Variants in AGBL4 observed in about 807,000 individuals in gnomAD.
AGBL4 encodes the protein cytosolic carboxypeptidase 6.
A neutral mutation model predicts 66.4 loss-of-function variants in AGBL4; 58 were observed. That is an observed-to-expected ratio of 0.87 (90% CI 0.71 to 1.09). The LOEUF (loss-of-function observed/expected upper bound fraction) is 1.09, where lower values mean the gene tolerates loss of function less well. Among genes scored for constraint, AGBL4 ranks in the 50% least tolerant of loss-of-function variants. The pLI is 0.00. For synonymous variants in AGBL4, 234 were observed against 222.9 expected (o/e 1.05, Z -0.44); for missense variants, 579 against 631.0 (o/e 0.92, Z 0.88).
chr1:48,657,542 G>C (rs976312008), intron 7 of AGBL4, among the ~76,000 whole-genome samples: 17 of 152,242 alleles, frequency 1.1e-4, no homozygotes, highest in Admixed American at 3.3e-4. Context: ...GCATAGCAGA[G>C]AGAGCTGGCA....
At chr1:48,974,246 A>G (rs1659142681) in intron 5 of AGBL4, among the ~76,000 whole-genome samples, 1 of 152,140 alleles carries the variant, frequency 6.6e-6, no homozygotes, top group South Asian at 2.1e-4. Flanking sequence ...AGCTTGAGCC[A>G]AGTATGCCTG....
At chr1:49,971,425 G>C (rs964538589) in intron 1 of AGBL4, among the ~76,000 whole-genome samples, 2 of 152,162 alleles carry the variant, frequency 1.3e-5, no homozygotes, top group Non-Finnish European at 2.9e-5. Context: ...CAAGAATAGT[G>C]ATGCTGGTAA....
chr1:49,964,522 T>C (rs1380696861), intron 1 of AGBL4, among the ~76,000 whole-genome samples: 1 of 152,166 alleles, frequency 6.6e-6, no homozygotes. Flanking sequence ...GTGGCTAATA[T>C]TATAATCATT....
chr1:49,972,160 A>G (rs1290180605), intron 1 of AGBL4, among the ~76,000 whole-genome samples: 3 of 151,334 alleles, frequency 2.0e-5, no homozygotes, highest in Non-Finnish European at 2.9e-5. Flanking sequence ...CTCATGATCC[A>G]GGCCTCCCAA....
At chr1:48,762,915 C>G (rs189243536) in intron 6 of AGBL4, among the ~76,000 whole-genome samples, 1 of 152,154 alleles carries the variant, frequency 6.6e-6, no homozygotes, top group East Asian at 1.9e-4. Flanking sequence ...GGGCCTTAAT[C>G]TCTCTGAACT....
intron 3 of AGBL4, among the ~76,000 whole-genome samples, chr1:49,328,630 C>A (rs2148487200): frequency 6.6e-6 from 1 of 152,300 alleles, no homozygotes; most frequent in African/African-American, 2.4e-5. Context: ...TTAACAATTT[C>A]TACCTGGTCA....
intron 2 of AGBL4, among the ~76,000 whole-genome samples, chr1:49,782,533 A>T (rs961803887): frequency 1.3e-5 from 2 of 152,222 alleles, no homozygotes; most frequent in Non-Finnish European, 2.9e-5. Flanking sequence ...AGGAGGTAGC[A>T]TCTTTAAGAA....
At chr1:50,021,655 C>T (rs1220480059) in intron 1 of AGBL4, among the ~76,000 whole-genome samples, 2 of 152,176 alleles carry the variant, frequency 1.3e-5, no homozygotes, top group Admixed American at 1.3e-4. Context: ...TCCTTCTCTT[C>T]ATCTCCACTG....
intron 6 of AGBL4, among the ~76,000 whole-genome samples, chr1:48,838,103 A>G (rs961460079): frequency 6.6e-5 from 10 of 151,970 alleles, no homozygotes; most frequent in African/African-American, 2.4e-4. Flanking sequence ...ATGAAAAGCA[A>G]TGAATAACTA....
chr1:49,669,920 C>T (rs1235476957), intron 3 of AGBL4, among the ~76,000 whole-genome samples: 2 of 151,744 alleles, frequency 1.3e-5, no homozygotes, highest in South Asian at 2.1e-4. Flanking sequence ...ATGAAGAGCA[C>T]AAGATAAAGA....
intron 3 of AGBL4, among the ~76,000 whole-genome samples, chr1:49,265,647 A>G (rs1007617746): frequency 6.6e-6 from 1 of 152,186 alleles, no homozygotes; most frequent in African/African-American, 2.4e-5. Flanking sequence ...CATCTGGTAG[A>G]GTTCTTAGAA....
chr1:48,777,245 T>C (rs1326076708), intron 6 of AGBL4, among the ~76,000 whole-genome samples: 1 of 152,154 alleles, frequency 6.6e-6, no homozygotes, highest in Admixed American at 6.5e-5. Context: ...TGCAGGATTA[T>C]ATTGCTTCAA....
intron 3 of AGBL4, among the ~76,000 whole-genome samples, chr1:49,384,724 C>T (rs1570585585): frequency 2.0e-5 from 3 of 152,012 alleles, no homozygotes; most frequent in South Asian, 4.1e-4. Context: ...CTTAAGATGG[C>T]CACTATCCAA....
chr1:48,989,955 A>G (rs1242170636), intron 5 of AGBL4, among the ~76,000 whole-genome samples: 5 of 152,218 alleles, frequency 3.3e-5, no homozygotes, highest in Non-Finnish European at 5.9e-5. Context: ...AGGAACCTCC[A>G]AACTGTTCTC....
chr1:49,280,794 G>C (rs1644257957), intron 3 of AGBL4, among the ~76,000 whole-genome samples: 1 of 152,128 alleles, frequency 6.6e-6, no homozygotes, highest in South Asian at 2.1e-4. Context: ...CATGTGCTGA[G>C]GTTACACAGA....
intron 5 of AGBL4, among the ~76,000 whole-genome samples, chr1:48,942,448 T>A (rs909378898): frequency 5.9e-5 from 9 of 152,132 alleles, no homozygotes; most frequent in Non-Finnish European, 1.2e-4. Flanking sequence ...TCCTCATCTG[T>A]TAAATAGGAT....
At chr1:48,749,826 G>C (rs1458062888) in intron 6 of AGBL4, among the ~76,000 whole-genome samples, 1 of 152,180 alleles carries the variant, frequency 6.6e-6, no homozygotes, top group Admixed American at 6.5e-5. Flanking sequence ...AAATGGCAGG[G>C]TATGTGCAGA....
intron 5 of AGBL4, among the ~76,000 whole-genome samples, chr1:49,000,211 G>A (rs1454736505): frequency 6.6e-6 from 1 of 152,132 alleles, no homozygotes; most frequent in Non-Finnish European, 1.5e-5. Context: ...AGGTCACAGG[G>A]CTAGTAAGTG....
chr1:48,979,641 AT>A (rs1659594549), intron 5 of AGBL4, among the ~76,000 whole-genome samples: 1 of 151,884 alleles, frequency 6.6e-6, no homozygotes. Context: ...TTTTTTTTTA[AT>A]TTGGGGGGAA....
Sources: gnomAD v4.1 joint callset for allele counts (sites outside exome capture counted in the v4.1 genomes callset) on GRCh38, gnomAD v4.1.1 for gene constraint, MANE v1.5 for transcripts, NCBI Gene and HGNC (gene_info 2026-07-23, HGNC 2026-07-21) for gene names.